The following FRMD3 variants were observed in gnomAD, a reference collection of about 807,000 sequenced individuals.
The protein encoded by FRMD3 is FERM domain containing 3.
FRMD3 carries 33 observed loss-of-function variants against 70.2 expected under a neutral mutation model. The ratio of observed to expected loss-of-function variants is 0.47; its 90% CI spans 0.36 to 0.63. The LOEUF is 0.63. Among genes scored for constraint, FRMD3 ranks in the 20% least tolerant of loss-of-function variants. The pLI, the probability that FRMD3 is intolerant of heterozygous loss-of-function variation, is 0.00. For missense variants in FRMD3, 632 were observed against 711.4 expected (o/e 0.89, Z 1.27); for synonymous variants, 279 against 255.9 (o/e 1.09, Z -0.86).
intron 1 of FRMD3, among the ~76,000 whole-genome samples, chr9:83,426,574 G>A (rs1826818070): frequency 6.6e-6 from 1 of 152,186 alleles, no homozygotes; most frequent in African/African-American, 2.4e-5. Flanking sequence ...GAAGCTTGCT[G>A]GAAATGCAGA....
At chr9:83,297,382 C>T (rs1240483008) in intron 12 of FRMD3, 1 of 168,928 alleles carries the variant, frequency 5.9e-6, no homozygotes, top group African/African-American at 2.4e-5. Flanking sequence ...AACACAGAAG[C>T]AGGACACTGG....
chr9:83,265,172 G>A (rs1000300211), intron 13 of FRMD3, among the ~76,000 whole-genome samples: 6 of 152,022 alleles, frequency 3.9e-5, no homozygotes, highest in Admixed American at 1.3e-4. Context: ...AGGCCAAGAC[G>A]GGCGGATCAC....
At chr9:83,513,335 A>G (rs1829382010) in intron 1 of FRMD3, among the ~76,000 whole-genome samples, 2 of 152,348 alleles carry the variant, frequency 1.3e-5, no homozygotes, top group African/African-American at 2.4e-5. Context: ...ATCTGCAGAG[A>G]GTACTAACCT....
intron 1 of FRMD3, among the ~76,000 whole-genome samples, chr9:83,531,131 A>C (rs996695046): frequency 6.6e-6 from 1 of 152,206 alleles, no homozygotes; most frequent in African/African-American, 2.4e-5. Flanking sequence ...TAACTATTTC[A>C]CTACCAGTCT....
At chr9:83,549,959 T>C in the FRMD3 span, among the ~76,000 whole-genome samples, 1 of 152,184 alleles carries the variant, frequency 6.6e-6, no homozygotes, top group Admixed American at 6.5e-5. Context: ...TTTAATTAGG[T>C]CTCATTTGTC....
At chr9:83,576,619 G>A in the FRMD3 span, among the ~76,000 whole-genome samples, 1 of 151,984 alleles carries the variant, frequency 6.6e-6, no homozygotes, top group South Asian at 2.1e-4. Context: ...ACAGGCCCAA[G>A]TGTATGTTAT....
chr9:83,297,561 C>A (rs898777282), intron 12 of FRMD3: 8 of 332,626 alleles, frequency 2.4e-5, no homozygotes, highest in African/African-American at 1.7e-4. Context: ...TATGTTTTAT[C>A]ATTTCCTCTT....
chr9:83,269,228 C>T (rs1254600568), intron 13 of FRMD3, among the ~76,000 whole-genome samples: 1 of 152,196 alleles, frequency 6.6e-6, no homozygotes, highest in Non-Finnish European at 1.5e-5. Flanking sequence ...ATAGATAAAT[C>T]TTTATGTTTA....
intron 13 of FRMD3, chr9:83,266,946 G>C (rs1315862551): frequency 6.7e-7 from 1 of 1,488,982 alleles, no homozygotes; most frequent in Non-Finnish European, 9.1e-7. Context: ...TCCACCAGCA[G>C]TGAGCAGGAA....
At chr9:83,266,575 A>T (rs1487863719) in intron 13 of FRMD3, among the ~76,000 whole-genome samples, 1 of 152,156 alleles carries the variant, frequency 6.6e-6, no homozygotes, top group South Asian at 2.1e-4. Context: ...TGCCTTGAGG[A>T]TAAAAGTGGT....
chr9:83,579,301 TAA>T, the FRMD3 span, among the ~76,000 whole-genome samples: 4 of 141,742 alleles, frequency 2.8e-5, no homozygotes, highest in Admixed American at 1.4e-4. Flanking sequence ...CAGAGAAATG[TAA>T]AAAAAAAAAA....
intron 3 of FRMD3, among the ~76,000 whole-genome samples, chr9:83,357,242 CATACATATATATATATATATAT>C (rs1209705513): frequency 0.047 from 628 of 13,248 alleles, 58 homozygotes; most frequent in Middle Eastern, 0.12. Context: ...ATATATAATA[CATACATATATATATATATATAT>C]ATATATATAT....
At chr9:83,565,327 GT>G in the FRMD3 span, among the ~76,000 whole-genome samples, 86 of 152,314 alleles carry the variant, frequency 5.6e-4, no homozygotes, top group African/African-American at 2.0e-3. Flanking sequence ...AGGTCAGAGA[GT>G]TTCTATTGAT....
chr9:83,538,305 G>T lies in FRMD3; in HGVS notation c.-74C>A. 5.5e-6 allele frequency: 8 copies of T among 1,456,346 alleles called. No homozygotes were observed. Among genetic ancestry groups the T allele is most frequent in the Non-Finnish European group, 7.4e-6 (8 of 1,085,418 alleles). The allele number at this position is 1,456,346 out of a possible 1,614,324, so 90.2% of individuals were successfully genotyped here. A position where few individuals can be genotyped will look rare whatever the true frequency, so the allele number is the denominator to read the frequency against. On this transcript the variant is annotated 5_prime_UTR_variant, in exon 1 of 14. Transcript: ENST00000304195. The surrounding 1 kb of genome is among the most constrained non-coding windows in gnomAD (Gnocchi z 4.7). ...CTCGCCTGCGCGGACACACACGCTC[G>T]CACGCACTGTCCGGGACACCTGGGC... is the stretch of plus-strand genomic sequence containing the variant.
intron 4 of FRMD3, among the ~76,000 whole-genome samples, chr9:83,348,588 C>T (rs895253176): frequency 2.6e-5 from 4 of 152,018 alleles, no homozygotes; most frequent in African/African-American, 4.8e-5. Flanking sequence ...AATGCCACTG[C>T]ATTATACACT....
At chr9:83,583,128 C>G in the FRMD3 span, among the ~76,000 whole-genome samples, 1 of 152,210 alleles carries the variant, frequency 6.6e-6, no homozygotes, top group Non-Finnish European at 1.5e-5. Context: ...GCTTTCCAAT[C>G]TCTTCTATTT....
intron 10 of FRMD3, among the ~76,000 whole-genome samples, chr9:83,307,863 G>C (rs962967795): frequency 2.6e-5 from 4 of 151,862 alleles, no homozygotes; most frequent in South Asian, 2.1e-4. Flanking sequence ...AATCACTAAG[G>C]CTCCAACTAA....
rs566375599 is a variant in FRMD3, at chr9:83,299,821, C to A, written c.927-635G>T. Among the ~76,000 whole-genome samples, 4 of 152,324 alleles carry A rather than the reference C, an allele frequency of 2.6e-5. No individual in the cohort carries two copies. The East Asian group carries it at 7.7e-4, about 29-fold the overall frequency. ...GAGGCAGAAGCTGCCCAGACAAGAA[C>A]TGATTCAGCACCTCTGAGCCCTACT... is the stretch of plus-strand genomic sequence containing the variant. On this transcript the variant is annotated intron_variant, in intron 10 of 13. Coordinates refer to ENST00000304195, the MANE Select transcript of FRMD3 (RefSeq NM_174938.6).
rs943902683 is a variant in FRMD3, at chr9:83,537,624, G to A, written c.147+461C>T. On this transcript the variant is annotated intron_variant, in intron 1 of 13. Coordinates refer to ENST00000304195, the MANE Select transcript of FRMD3 (RefSeq NM_174938.6). This position sits in a 1 kb window ranked among gnomAD's most constrained non-coding sequence, Gnocchi z 4.1. The stretch of plus-strand genomic sequence containing the variant: ...AGGTTCCGGGACTGAGGGCGTCTCC[G>A]GAGCCTGGGCGCGGGAGACAGAAAT... Among the ~76,000 whole-genome samples the A allele has an allele frequency of 1.3e-5, 2 of 152,208 alleles. No homozygotes were observed. The highest frequency in any genetic ancestry group is 1.9e-4 in the East Asian group (1 of 5,182).
Sources: allele counts gnomAD v4.1 joint callset (sites outside exome capture counted in the v4.1 genomes callset), GRCh38; gene constraint gnomAD v4.1.1; non-coding constraint Gnocchi (gnomAD v3.1); transcripts MANE v1.5; gene names NCBI Gene and HGNC (gene_info 2026-07-23, HGNC 2026-07-21).